TXNRD1: variants seen among roughly 807,000 people sequenced by gnomAD.
The protein encoded by TXNRD1 is thioredoxin reductase 1, cytoplasmic.
Under a neutral mutation model 80.3 loss-of-function variants are expected in TXNRD1, and 57 were observed. The ratio of observed to expected loss-of-function variants is 0.71; its 90% CI spans 0.57 to 0.89. The LOEUF (loss-of-function observed/expected upper bound fraction) is 0.89, where lower values mean the gene tolerates loss of function less well. Ranked by LOEUF, TXNRD1 falls within the 40% of genes least tolerant of loss-of-function variation. The pLI is 0.00. For synonymous variants in TXNRD1, 291 were observed against 285.2 expected (o/e 1.02, Z -0.20); for missense variants, 730 against 803.0 (o/e 0.91, Z 1.10).
At chr12:104,254,644 A>AAAAAAATATATATATATATATATAT in intron 2 of TXNRD1, among the ~76,000 whole-genome samples, 1 of 93,638 alleles carries the variant, frequency 1.1e-5, no homozygotes, top group Admixed American at 1.3e-4. Flanking sequence ...AAAAAAAAAA[A>AAAAAAATATATATATATATATATAT]ATATATATAT....
At chr12:104,247,848 G>A (rs934236138) in intron 1 of TXNRD1, among the ~76,000 whole-genome samples, 2 of 152,130 alleles carry the variant, frequency 1.3e-5, no homozygotes, top group East Asian at 1.9e-4. Flanking sequence ...CCATGAAATC[G>A]AAGGAGTCAG....
At chr12:104,327,147 T>C (rs2035794161) in intron 12 of TXNRD1, among the ~76,000 whole-genome samples, 1 of 152,220 alleles carries the variant, frequency 6.6e-6, no homozygotes, top group South Asian at 2.1e-4. Flanking sequence ...GTTGAGCTCT[T>C]CAACTATGAA....
At chr12:104,233,413 A>C (rs913636999) in intron 1 of TXNRD1, among the ~76,000 whole-genome samples, 5 of 152,366 alleles carry the variant, frequency 3.3e-5, no homozygotes, top group Non-Finnish European at 5.9e-5. Context: ...GCACTGATGC[A>C]AACAATTATA....
chr12:104,307,766 G>C (rs1252864515), intron 4 of TXNRD1, among the ~76,000 whole-genome samples: 1 of 152,156 alleles, frequency 6.6e-6, no homozygotes, highest in Non-Finnish European at 1.5e-5. Context: ...CTTTTTGGGG[G>C]AGCCTGGAGC....
rs1236621543 is a variant in TXNRD1 at position 104,327,565 on chromosome 12, T to C, written c.1436T>C (p.Ile479Thr). 1.2e-6 allele frequency: 2 copies of C among 1,613,774 alleles called. No homozygotes were observed. Among genetic ancestry groups the C allele is most frequent in the Middle Eastern group, 1.6e-4 (1 of 6,062 alleles). Residue 479 changes from isoleucine to threonine, a missense_variant, in exon 13 of 17, where the codon ATC becomes ACC. Ile to Thr is a moderately conservative substitution (Grantham distance 89). Transcript: ENST00000525566. Reference sequence around the variant, plus strand: ...GAAGAACAGACCAATGTGCCTTACATCTATGCCATTGGCGATATATTGGAG... The same window carrying C: ...GAAGAACAGACCAATGTGCCTTACACCTATGCCATTGGCGATATATTGGAG... ...TDEEQTNVPY[I>T]YAIGDILEDK...
At chr12:104,304,377 T>A (rs1201369013) in intron 4 of TXNRD1, 1 of 1,613,956 alleles carries the variant, frequency 6.2e-7, no homozygotes, top group African/African-American at 1.3e-5. Context: ...AGCATAGCTC[T>A]TTCCTTCTGG....
chr12:104,330,072 G>A (rs1207939348), intron 13 of TXNRD1, among the ~76,000 whole-genome samples: 1 of 152,080 alleles, frequency 6.6e-6, no homozygotes, highest in Non-Finnish European at 1.5e-5. Flanking sequence ...TGGTATAAGT[G>A]GTTGTCTGCC....
At position 104,311,372 on chromosome 12, in the gene TXNRD1, T is replaced by C. The variant is rs781652017; in HGVS notation, c.497T>C (p.Ile166Thr). The C allele has an allele frequency of 1.2e-6, 2 of 1,613,704 alleles. No individual in the cohort carries two copies. The highest frequency in any genetic ancestry group is 1.7e-6 in the Non-Finnish European group (2 of 1,179,768). The change falls in exon 5 of 17, where the codon ATC becomes ACC. Residue 166 changes from isoleucine to threonine, a missense_variant. Coordinates refer to ENST00000525566, the MANE Select transcript of TXNRD1 (RefSeq NM_001093771.3). ...DLPKSYDYDL[I>T]IIGGGSGGLA... is the part of the protein sequence containing the mutation. ...CCCAAGTCCTATGACTATGACCTTA[T>C]CATCATTGGAGGTGGCTCAGGAGGT...
rs187738693 is a variant in TXNRD1, at chr12:104,324,218, A to G, written c.1216-1119A>G. The stretch of plus-strand genomic sequence containing the variant: ...ATTAGAACATTTTGATTAAAATTAA[A>G]CAAGAAAGACTTCTCCAGTATGTTC... On this transcript the variant is annotated intron_variant, in intron 10 of 16. Coordinates refer to ENST00000525566, the MANE Select transcript of TXNRD1 (RefSeq NM_001093771.3). 5.6e-4 allele frequency among the ~76,000 whole-genome samples: 85 copies of G among 152,312 alleles called. 2 individuals are homozygous for G. The highest frequency in any genetic ancestry group is 1.9e-3 in the African/African-American group (80 of 41,558).
intron 10 of TXNRD1, among the ~76,000 whole-genome samples, chr12:104,322,373 CCTTT>C (rs2035565356): frequency 9.3e-6 from 1 of 107,218 alleles, no homozygotes. Flanking sequence ...TTTATTTTTA[CCTTT>C]TTTTTTTTTT....
At chr12:104,310,271 T>G (rs111711711) in intron 4 of TXNRD1, among the ~76,000 whole-genome samples, 1 of 151,726 alleles carries the variant, frequency 6.6e-6, no homozygotes, top group Non-Finnish European at 1.5e-5. Flanking sequence ...TGCCTCAGCC[T>G]CCGGAGTAGC....
At chr12:104,224,673 C>A (rs936225317) in intron 1 of TXNRD1, 2 of 340,476 alleles carry the variant, frequency 5.9e-6, no homozygotes, top group Non-Finnish European at 1.2e-5. Context: ...CATGAGCCAC[C>A]GCACCTATAG....
intron 2 of TXNRD1, among the ~76,000 whole-genome samples, chr12:104,252,676 ATATATATATATATATTTTTTT>A (rs2033148083): frequency 9.6e-6 from 1 of 104,280 alleles, no homozygotes; most frequent in Non-Finnish European, 1.8e-5. Context: ...ATATATATAT[ATATATATATATATATTTTTTT>A]TTTTTTTTTT....
intron 7 of TXNRD1, among the ~76,000 whole-genome samples, chr12:104,317,434 C>T (rs559784961): frequency 7.0e-6 from 1 of 142,124 alleles, no homozygotes; most frequent in Non-Finnish European, 1.5e-5. Flanking sequence ...ACATTATGAT[C>T]ATATGAATTC....
intron 2 of TXNRD1, 52 bp from the exon 3 acceptor site, chr12:104,257,967 T>G: frequency 7.3e-7 from 1 of 1,365,890 alleles, no homozygotes; most frequent in Non-Finnish European, 1.0e-6. Flanking sequence ...GATTCTCTTG[T>G]TGGTTATAAC....
In TXNRD1 at chr12:104,348,602, A is replaced by G; in HGVS notation, c.*181A>G. 1 of 595,522 alleles carries G rather than the reference A, an allele frequency of 1.7e-6. No individual in the cohort carries two copies. The highest frequency in any genetic ancestry group is 3.0e-6 in the Non-Finnish European group (1 of 335,726). 36.9% of individuals were successfully genotyped at this position (595,522 alleles called of 1,614,324 possible). ...AGTTGGTGAATAGAAGGCAGGCAGC[A>G]TCACACTGGGGTCACTGACAGACTT... On this transcript the variant is annotated 3_prime_UTR_variant, in exon 17 of 17. Transcript: ENST00000525566.
At chr12:104,254,630 GAAAAAA>G (rs760022093) in intron 2 of TXNRD1, among the ~76,000 whole-genome samples, 1 of 17,290 alleles carries the variant, frequency 5.8e-5, no homozygotes. Flanking sequence ...TATGTCTATG[GAAAAAA>G]AAAAAAAAAT....
intron 15 of TXNRD1, among the ~76,000 whole-genome samples, chr12:104,337,407 A>T (rs577907202): frequency 5.3e-5 from 8 of 152,176 alleles, no homozygotes; most frequent in Admixed American, 4.6e-4. Context: ...GTCTAGTCAG[A>T]GTCTGCGCTG....
intron 2 of TXNRD1, among the ~76,000 whole-genome samples, chr12:104,257,345 GA>G (rs1290451167): frequency 6.8e-6 from 1 of 147,298 alleles, no homozygotes; most frequent in Non-Finnish European, 1.5e-5. Flanking sequence ...AACTATTGTA[GA>G]ATATATTTTT....
Sources: gnomAD v4.1 joint callset for allele counts (sites outside exome capture counted in the v4.1 genomes callset) on GRCh38, gnomAD v4.1.1 for gene constraint, MANE v1.5 for transcripts, NCBI Gene and HGNC (gene_info 2026-07-23, HGNC 2026-07-21) for gene names.